Variants in CDHR1 observed in about 807,000 individuals in gnomAD.
CDHR1 encodes the protein cadherin related family member 1, also known as cadherin-related family member 1.
CDHR1 carries 61 observed loss-of-function variants against 72.1 expected under a neutral mutation model. The observed-to-expected ratio is 0.85, with a 90% CI of 0.69 to 1.05. The LOEUF is 1.05. CDHR1 is among the 50% of genes least tolerant of loss of function. The pLI is 0.00. For synonymous variants in CDHR1, 470 were observed against 448.1 expected (o/e 1.05, Z -0.62); for missense variants, 1,186 against 1,115.7 (o/e 1.06, Z -0.90).
In CDHR1 at chr10:84,204,364, G is replaced by A. The variant is rs532461843; in HGVS notation, c.784-163G>A. Among the ~76,000 whole-genome samples, 3 of 152,250 alleles carry A rather than the reference G, an allele frequency of 2.0e-5. No individual in the cohort carries two copies. In the South Asian group the frequency reaches 6.2e-4, roughly 32 times the overall value. The stretch of plus-strand genomic sequence containing the variant: ...AGCCCTGGAGGCCAGTGGGTGCTTC[G>A]ATCCCCCTGCAGAGGAGAGTAGGGC... On this transcript the variant is annotated intron_variant, in intron 8 of 16. Coordinates refer to ENST00000623527, the MANE Select transcript of CDHR1 (RefSeq NM_033100.4).
Position 84,215,514 on chromosome 10 carries a change from C to T in CDHR1, c.*893C>T, listed in dbSNP as rs6585846. 14,928 of 952,612 alleles carry T rather than the reference C, an allele frequency of 0.016. 1,120 individuals are homozygous for T. In the African/African-American group the frequency reaches 0.2, roughly 12 times the overall value. 59.0% of individuals were successfully genotyped at this position (952,612 alleles called of 1,614,324 possible). On this transcript the variant is annotated 3_prime_UTR_variant, in exon 17 of 17. Transcript: ENST00000623527. ...GTGAGACTTCCGTTTTTATCCAGCT[C>T]TTTTGCTCACATCGCGTAACCTTGG...
At position 84,208,381 on chromosome 10, in the gene CDHR1, TG is replaced by T; in HGVS notation, c.1167+5del. 6.2e-7 allele frequency: 1 copy of T among 1,614,058 alleles called. No homozygotes were observed. On this transcript the variant is annotated splice_donor_5th_base_variant and intron_variant, in intron 11 of 16. Coordinates refer to ENST00000623527, the MANE Select transcript of CDHR1 (RefSeq NM_033100.4). ...CACCGTCAATGACTCCGACCAGGTG[TG>T]TGGTCCTGCCCTCCGCTCTGCCTTC...
Position 84,217,057 on chromosome 10 carries a change from T to C in CDHR1, c.*2436T>C. ...TGGCCATGGATGGGGAAGTGCCCGG[T>C]AGCCAGCATGAGCCACACTAGGAAA... On this transcript the variant is annotated 3_prime_UTR_variant, in exon 17 of 17. Transcript: ENST00000623527. 1 of 985,636 alleles carries C rather than the reference T, an allele frequency of 1.0e-6. No homozygotes were observed. The highest frequency in any genetic ancestry group is 4.7e-5 in the South Asian group (1 of 21,280). 61.1% of individuals were successfully genotyped at this position (985,636 alleles called of 1,614,324 possible).
intron 7 of CDHR1, among the ~76,000 whole-genome samples, chr10:84,202,385 A>T (rs1842143594): frequency 6.6e-6 from 1 of 152,218 alleles, no homozygotes. Flanking sequence ...GGAAACCAGC[A>T]GGTGCCCACC....
intron 9 of CDHR1, among the ~76,000 whole-genome samples, chr10:84,204,816 G>C (rs760554147): frequency 6.2e-4 from 95 of 152,284 alleles, no homozygotes; most frequent in Middle Eastern, 3.4e-3. Context: ...AGAGAGCATG[G>C]GGCAGGGGCG....
chr10:84,207,322 G>C (rs1237234064), intron 10 of CDHR1, among the ~76,000 whole-genome samples: 5 of 152,160 alleles, frequency 3.3e-5, no homozygotes, highest in African/African-American at 1.2e-4. Flanking sequence ...AGAAGATGTA[G>C]AGAGCAGAGT....
chr10:84,219,171 C>T (rs1479714459), downstream of CDHR1: 3 of 1,550,112 alleles, frequency 1.9e-6, no homozygotes, highest in East Asian at 2.4e-5. Flanking sequence ...AACCACATTC[C>T]AGCCAGGGTC....
chr10:84,199,398 T>G (rs1265351147), intron 5 of CDHR1, among the ~76,000 whole-genome samples: 2 of 152,246 alleles, frequency 1.3e-5, no homozygotes, highest in Non-Finnish European at 1.5e-5. Flanking sequence ...ATTGTTAAAT[T>G]TTGGTGTATT....
intron 2 of CDHR1, among the ~76,000 whole-genome samples, chr10:84,195,952 G>T (rs537222841): frequency 4.6e-5 from 7 of 152,222 alleles, no homozygotes; most frequent in Non-Finnish European, 7.3e-5. Flanking sequence ...TGCAGAGAGA[G>T]GGGAGGAGAA....
At chr10:84,206,688 A>T (rs1274975756) in intron 10 of CDHR1, among the ~76,000 whole-genome samples, 1 of 152,126 alleles carries the variant, frequency 6.6e-6, no homozygotes, top group African/African-American at 2.4e-5. Context: ...GATTTTCAGG[A>T]TCCACTCCCG....
At position 84,199,095 on chromosome 10, in the gene CDHR1, G is replaced by A. The variant is rs370668772; in HGVS notation, c.412G>A (p.Glu138Lys). ...ANDEAPRFIQEPYVALVPEDI... is the reference protein window; with the variant it reads ...ANDEAPRFIQKPYVALVPEDI... ...TGATGAGGCGCCCAGGTTCATCCAG[G>A]AGCCTTATGTTGCCCTGGTTCCCGA... Residue 138 changes from glutamate (E) to lysine (K), a missense_variant, in exon 5 of 17, where the codon GAG (glutamate) becomes AAG (lysine). Physicochemically the swap from Glu to Lys is moderately conservative, Grantham distance 56. Coordinates refer to ENST00000623527, the MANE Select transcript of CDHR1 (RefSeq NM_033100.4). 75 of 1,551,288 alleles carry A rather than the reference G, an allele frequency of 4.8e-5. No homozygotes were observed. The highest frequency in any genetic ancestry group is 5.5e-5 in the Non-Finnish European group (63 of 1,147,016).
At position 84,215,265 on chromosome 10, in the gene CDHR1, C is replaced by G; in HGVS notation, c.*644C>G. 1 of 989,812 alleles carries G rather than the reference C, an allele frequency of 1.0e-6. No individual in the cohort carries two copies. The highest frequency in any genetic ancestry group is 1.2e-6 in the Non-Finnish European group (1 of 832,602). 61.3% of individuals were successfully genotyped at this position (989,812 alleles called of 1,614,324 possible). ...GAGACTGTGGACCCTGGTATGCCCA[C>G]GTGGGACAGAGGACACAGAGGTGGA... is the stretch of plus-strand genomic sequence containing the variant. On this transcript the variant is annotated 3_prime_UTR_variant, in exon 17 of 17. Transcript: ENST00000623527.
rs1393693201 is a variant in CDHR1, at chr10:84,215,812, A to G, written c.*1191A>G. On this transcript the variant is annotated 3_prime_UTR_variant, in exon 17 of 17. Transcript: ENST00000623527. Reference sequence around the variant, plus strand: ...TGGGCTTAGGGGCTACCACTGGATGATGGCATTGCCGTGACTCACACACCT... The same window carrying G: ...TGGGCTTAGGGGCTACCACTGGATGGTGGCATTGCCGTGACTCACACACCT... 9 of 985,396 alleles carry G rather than the reference A, an allele frequency of 9.1e-6. No individual in the cohort carries two copies. Among genetic ancestry groups the G allele is most frequent in the Non-Finnish European group, 1.1e-5 (9 of 830,022 alleles). 61.0% of individuals were successfully genotyped at this position (985,396 alleles called of 1,614,324 possible).
intron 1 of CDHR1, among the ~76,000 whole-genome samples, chr10:84,195,204 G>C (rs1842006053): frequency 6.6e-6 from 1 of 152,230 alleles, no homozygotes; most frequent in Admixed American, 6.5e-5. Flanking sequence ...TCCGAGCGCG[G>C]GTGCAATCTG....
intron 8 of CDHR1, among the ~76,000 whole-genome samples, chr10:84,203,502 C>T (rs1404475049): frequency 6.6e-6 from 1 of 152,114 alleles, no homozygotes; most frequent in African/African-American, 2.4e-5. Flanking sequence ...GCAACCTCTA[C>T]CTCCTGGGTT....
In CDHR1 at chr10:84,213,073, G is replaced by A. The variant is rs1589308187; in HGVS notation, c.1783-18G>A. The A allele has an allele frequency of 6.2e-7, 1 of 1,614,220 alleles. No individual in the cohort carries two copies. The highest frequency in any genetic ancestry group is 8.5e-7 in the Non-Finnish European group (1 of 1,180,056). The stretch of plus-strand genomic sequence containing the variant: ...TTGTCCCCAAAGCCCAGCTCTGTCT[G>A]TCTCTCCCTGCGCACAGGCCATAGA... On this transcript the variant is annotated intron_variant, in intron 15 of 16. Transcript: ENST00000623527.
rs1842428068 is a variant in CDHR1 at position 84,216,499 on chromosome 10, G to A, written c.*1878G>A. ...CATGCAATCAACCTCTTTTGTAAAT[G>A]GAAAATAAAGTCTGTTACCCAAAGG... On this transcript the variant is annotated 3_prime_UTR_variant, in exon 17 of 17. Coordinates refer to ENST00000623527, the MANE Select transcript of CDHR1 (RefSeq NM_033100.4). 4 of 985,504 alleles carry A rather than the reference G, an allele frequency of 4.1e-6. No individual in the cohort carries two copies. Among genetic ancestry groups the A allele is most frequent in the Non-Finnish European group, 4.8e-6 (4 of 829,970 alleles). The allele number at this position is 985,504 out of a possible 1,614,324, so 61.0% of individuals were successfully genotyped here.
intron 2 of CDHR1, among the ~76,000 whole-genome samples, chr10:84,196,069 C>A (rs981308847): frequency 7.2e-5 from 11 of 152,180 alleles, no homozygotes; most frequent in Non-Finnish European, 1.2e-4. Flanking sequence ...CCTGCAGAAC[C>A]AGGTCCAGGC....
At position 84,214,641 on chromosome 10, in the gene CDHR1, C is replaced by A. The variant is rs1424527167; in HGVS notation, c.*20C>A. 1.9e-6 allele frequency: 3 copies of A among 1,599,186 alleles called. No individual in the cohort carries two copies. Among genetic ancestry groups the A allele is most frequent in the Admixed American group, 3.3e-5 (2 of 59,994 alleles). ...TTCTAGTGTATGCCCTATGACCCCC[C>A]ATCTTTCCTCCGCCCCTGACCCCCA... On this transcript the variant is annotated 3_prime_UTR_variant, in exon 17 of 17. Transcript: ENST00000623527.
Sources: gnomAD v4.1 joint callset for allele counts (sites outside exome capture counted in the v4.1 genomes callset) on GRCh38, gnomAD v4.1.1 for gene constraint, MANE v1.5 for transcripts, NCBI Gene and HGNC (gene_info 2026-07-23, HGNC 2026-07-21) for gene names.